The following DIAPH1 variants were observed in gnomAD, a reference collection of about 807,000 sequenced individuals.
DIAPH1 encodes the protein protein diaphanous homolog 1.
In DIAPH1, 46 loss-of-function variants were observed where a neutral mutation model predicts 140.7. The ratio of observed to expected loss-of-function variants is 0.33; its 90% CI spans 0.26 to 0.42. The LOEUF is 0.42. DIAPH1 is among the 10% of genes least tolerant of loss of function. The pLI, the probability that DIAPH1 is intolerant of heterozygous loss-of-function variation, is 1.00. For synonymous variants in DIAPH1, 565 were observed against 551.6 expected (o/e 1.02, Z -0.34); for missense variants, 1,310 against 1,558.7 (o/e 0.84, Z 2.69).
At chr5:141,542,110 C>T (rs920765916) in intron 18 of DIAPH1, among the ~76,000 whole-genome samples, 1 of 152,284 alleles carries the variant, frequency 6.6e-6, no homozygotes, top group Admixed American at 6.5e-5. Context: ...TTCATAGCAG[C>T]TCTATTCAAA....
At chr5:141,595,779 A>G (rs2154596949) in intron 1 of DIAPH1, among the ~76,000 whole-genome samples, 1 of 152,292 alleles carries the variant, frequency 6.6e-6, no homozygotes, top group African/African-American at 2.4e-5. Flanking sequence ...CAGTGTGAGA[A>G]CGGATTGATA....
intron 14 of DIAPH1, among the ~76,000 whole-genome samples, chr5:141,575,362 G>T (rs561873469): frequency 6.6e-6 from 1 of 152,280 alleles, no homozygotes; most frequent in East Asian, 1.9e-4. Context: ...TTAAAATCAA[G>T]GTTTGGCTGG....
intron 17 of DIAPH1, 32 bp from the exon 18 acceptor site, chr5:141,571,468 C>A: frequency 6.2e-7 from 1 of 1,600,110 alleles, no homozygotes; most frequent in South Asian, 1.1e-5. Context: ...AGGGAGAAGG[C>A]ATCCAATATT....
At chr5:141,535,087 C>T (rs2099888811) in intron 18 of DIAPH1, among the ~76,000 whole-genome samples, 1 of 152,124 alleles carries the variant, frequency 6.6e-6, no homozygotes, top group African/African-American at 2.4e-5. Context: ...GGAGCTGGGA[C>T]TACAGGTGCA....
rs751447601 is a variant in DIAPH1 at position 141,574,048 on chromosome 5, G to A, written c.1802C>T (p.Ala601Val). The change falls in exon 16 of 28, where the codon GCT becomes GTT. Residue 601 changes from alanine to valine, a missense_variant. By Grantham distance (64) the Ala-to-Val change is moderately conservative (BLOSUM62 0). Transcript: ENST00000389054. ...AGGAGGAGTGGTACTATCCCCAGGA[G>A]CAGGTGGTGGTGGAATAATAGTGCC... ...DSGTIIPPPP[A>V]PGDSTTPPPP... 1 of 1,596,134 alleles carries A rather than the reference G, an allele frequency of 6.3e-7. No homozygotes were observed. The highest frequency in any genetic ancestry group is 1.8e-5 in the Admixed American group (1 of 56,370).
chr5:141,594,657 C>T (rs527628330), intron 1 of DIAPH1, among the ~76,000 whole-genome samples: 70 of 151,548 alleles, frequency 4.6e-4, no homozygotes, highest in African/African-American at 1.6e-3. Flanking sequence ...GTATGAGAAT[C>T]GCTTGAACCT....
At chr5:141,615,807 A>G (rs1188758207) in intron 1 of DIAPH1, among the ~76,000 whole-genome samples, 1 of 152,224 alleles carries the variant, frequency 6.6e-6, no homozygotes, top group East Asian at 1.9e-4. Flanking sequence ...ATTCTCTCTT[A>G]CAATGCATCA....
chr5:141,530,715 G>A (rs1214582087), intron 19 of DIAPH1, among the ~76,000 whole-genome samples: 1 of 152,168 alleles, frequency 6.6e-6, no homozygotes, highest in African/African-American at 2.4e-5. Context: ...TACTTGCTCA[G>A]CTTTCTCTTA....
chr5:141,548,802 G>A (rs143941331), intron 18 of DIAPH1, among the ~76,000 whole-genome samples: 2,005 of 152,124 alleles, frequency 0.013, 13 homozygotes, highest in Middle Eastern at 0.034. Context: ...GTGAGACCCT[G>A]CCTCAAAAAA....
intron 18 of DIAPH1, among the ~76,000 whole-genome samples, chr5:141,559,648 C>T (rs566763025): frequency 6.6e-6 from 1 of 152,298 alleles, no homozygotes; most frequent in East Asian, 1.9e-4. Flanking sequence ...CCCACAGATA[C>T]TTTCCCAGCA....
chr5:141,528,117 C>G (rs2099887670), intron 23 of DIAPH1, among the ~76,000 whole-genome samples: 1 of 152,104 alleles, frequency 6.6e-6, no homozygotes, highest in African/African-American at 2.4e-5. Flanking sequence ...TTTTCTTTGT[C>G]TAGTTCCAGG....
At chr5:141,525,445 A>G (rs577394313) in intron 26 of DIAPH1, among the ~76,000 whole-genome samples, 24 of 152,224 alleles carry the variant, frequency 1.6e-4, no homozygotes, top group African/African-American at 5.3e-4. Context: ...CAGGAAACAG[A>G]GGGCCAGTAA....
chr5:141,612,023 T>C (rs1380702661), intron 1 of DIAPH1, among the ~76,000 whole-genome samples: 1 of 152,150 alleles, frequency 6.6e-6, no homozygotes, highest in Non-Finnish European at 1.5e-5. Context: ...GCCGAGATTA[T>C]GCCACTGTAC....
At chr5:141,543,296 C>G (rs1328545582) in intron 18 of DIAPH1, among the ~76,000 whole-genome samples, 1 of 152,124 alleles carries the variant, frequency 6.6e-6, no homozygotes, top group South Asian at 2.1e-4. Context: ...TATATTGACA[C>G]AACATGTCCA....
chr5:141,602,164 T>C (rs1047109170), intron 1 of DIAPH1, among the ~76,000 whole-genome samples: 9 of 152,154 alleles, frequency 5.9e-5, no homozygotes, highest in Non-Finnish European at 1.0e-4. Flanking sequence ...CAGAGGGTCA[T>C]AATAGGATCT....
In DIAPH1 at chr5:141,606,121, G is replaced by A. The variant is rs114269337; in HGVS notation, c.117+12677C>T. Among the ~76,000 whole-genome samples the A allele has an allele frequency of 4.9e-3, 750 of 152,150 alleles. 4 individuals carry two copies. The highest frequency in any genetic ancestry group is 0.017 in the African/African-American group (692 of 41,500). On this transcript the variant is annotated intron_variant, in intron 1 of 27. Coordinates refer to ENST00000389054, the MANE Select transcript of DIAPH1 (RefSeq NM_005219.5). ...GCTTCTATTGCCAAATGAAGGAACT[G>A]AAGGAATTCTTATAGCTCTGGGTGG...
intron 18 of DIAPH1, among the ~76,000 whole-genome samples, chr5:141,535,440 T>C (rs1011084825): frequency 2.0e-5 from 3 of 152,250 alleles, no homozygotes; most frequent in South Asian, 2.1e-4. Context: ...CTTATTTTCA[T>C]GGTATTTGTT....
chr5:141,601,430 G>A (rs965784811), intron 1 of DIAPH1, among the ~76,000 whole-genome samples: 4 of 152,040 alleles, frequency 2.6e-5, no homozygotes, highest in Admixed American at 2.6e-4. Flanking sequence ...TGGGATTACA[G>A]TTGCACACCA....
chr5:141,564,904 A>G (rs989721490), intron 18 of DIAPH1: 11 of 152,208 alleles, frequency 7.2e-5, no homozygotes, highest in Non-Finnish European at 1.3e-4. Context: ...CTAAAACAAC[A>G]TATCACTTTT....
Sources: gnomAD v4.1 joint callset for allele counts (sites outside exome capture counted in the v4.1 genomes callset) on GRCh38, gnomAD v4.1.1 for gene constraint, MANE v1.5 for transcripts, NCBI Gene and HGNC (gene_info 2026-07-23, HGNC 2026-07-21) for gene names.